Variants in CELF2 observed in about 807,000 individuals in gnomAD.
CELF2 encodes CUG triplet repeat RNA-binding protein 2.
A neutral mutation model predicts 62.6 loss-of-function variants in CELF2; 8 were observed. The ratio of observed to expected loss-of-function variants is 0.13; its 90% CI spans 0.07 to 0.23. The LOEUF (loss-of-function observed/expected upper bound fraction) is 0.23. CELF2 is among the 10% of genes least tolerant of loss of function. The pLI, the probability that CELF2 is intolerant of heterozygous loss-of-function variation, is 1.00. For synonymous variants in CELF2, 258 were observed against 250.0 expected, an observed-to-expected ratio of 1.03 and a Z score of -0.30; for missense variants, 333 against 671.0, an observed-to-expected ratio of 0.50 and a Z score of 5.56.
In CELF2 at chr10:11,297,377, A is replaced by T. The variant is rs2093305375; in HGVS notation, c.976+8825A>T. ...CCTAAGCCCGGGGAGGGGTGAGGTC[A>T]TCAGGCCAAAATCACCAGCAAGGCA... On this transcript the variant is annotated intron_variant, in intron 9 of 12. Transcript: ENST00000633077. The surrounding 1 kb of genome is among the most constrained non-coding windows in gnomAD (Gnocchi z 4.4). Among the ~76,000 whole-genome samples the T allele has an allele frequency of 6.6e-6, 1 of 152,150 alleles. No homozygotes were observed. Among genetic ancestry groups the T allele is most frequent in the South Asian group, 2.1e-4 (1 of 4,834 alleles).
the CELF2 span, among the ~76,000 whole-genome samples, chr10:10,673,520 A>G: frequency 6.6e-6 from 1 of 151,924 alleles, no homozygotes; most frequent in Non-Finnish European, 1.5e-5. Context: ...TAGAGTTTCT[A>G]TTTTCAATTT....
At chr10:10,836,446 A>G (rs564690491) in intron 1 of CELF2, among the ~76,000 whole-genome samples, 1 of 152,364 alleles carries the variant, frequency 6.6e-6, no homozygotes, top group Admixed American at 6.5e-5. Flanking sequence ...CGATATGACA[A>G]CACTGAAGTA....
At position 10,897,166 on chromosome 10, in the gene CELF2, G is replaced by A. The variant is rs540411955; in HGVS notation, c.54-22798G>A. 2.6e-5 allele frequency among the ~76,000 whole-genome samples: 4 copies of A among 152,248 alleles called. No homozygotes were observed. The South Asian group carries it at 6.2e-4, about 24-fold the overall frequency. On this transcript the variant is annotated intron_variant, in intron 1 of 13. Transcript: ENST00000636488. The stretch of plus-strand genomic sequence containing the variant: ...AGAAGTGAAGACCATGGCAGAGAAA[G>A]CATCTATCATTTTAGAGAATACCTA...
At chr10:10,676,818 T>C in the CELF2 span, among the ~76,000 whole-genome samples, 1 of 152,162 alleles carries the variant, frequency 6.6e-6, no homozygotes, top group African/African-American at 2.4e-5. Flanking sequence ...TTACTTGTTA[T>C]TAGGGGGGAG....
intron 1 of CELF2, among the ~76,000 whole-genome samples, chr10:10,892,833 A>G (rs2062247477): frequency 6.6e-6 from 1 of 152,212 alleles, no homozygotes; most frequent in Non-Finnish European, 1.5e-5. Flanking sequence ...AAGCACACAG[A>G]GATGATTTTT....
the CELF2 span, among the ~76,000 whole-genome samples, chr10:10,720,147 T>A: frequency 6.6e-6 from 1 of 152,204 alleles, no homozygotes. Flanking sequence ...GCTCTGCCCT[T>A]GACTACCACT....
At chr10:10,711,170 C>A in the CELF2 span, among the ~76,000 whole-genome samples, 55 of 152,192 alleles carry the variant, frequency 3.6e-4, no homozygotes, top group African/African-American at 1.3e-3. Flanking sequence ...GCCAAATCAC[C>A]CCCTCCCTAT....
rs369100120 is a variant in CELF2 at position 11,308,214 on chromosome 10, T to C, written c.977-5925T>C. On this transcript the variant is annotated intron_variant, in intron 9 of 12. Coordinates refer to ENST00000633077, the MANE Select transcript of CELF2 (RefSeq NM_001326342.2). Reference sequence around the variant, plus strand: ...GATTTTCTCTTAAACTTTCAACATATTTCTGTCATGTGCCAGGGTATAGAT... The same window carrying C: ...GATTTTCTCTTAAACTTTCAACATACTTCTGTCATGTGCCAGGGTATAGAT... Among the ~76,000 whole-genome samples, 5 of 152,246 alleles carry C rather than the reference T, an allele frequency of 3.3e-5. No homozygotes were observed. The East Asian group carries it at 9.6e-4, about 29-fold the overall frequency.
At chr10:11,239,945 C>T (rs1003814314) in intron 3 of CELF2, among the ~76,000 whole-genome samples, 4 of 152,000 alleles carry the variant, frequency 2.6e-5, no homozygotes, top group Admixed American at 6.6e-5. Context: ...CCCAGCTATT[C>T]GGGAGGCTAA....
At chr10:11,106,888 T>G (rs2053637475) in intron 1 of CELF2, among the ~76,000 whole-genome samples, 1 of 152,180 alleles carries the variant, frequency 6.6e-6, no homozygotes, top group South Asian at 2.1e-4. Context: ...TCAGACTTAC[T>G]ATCTAAACCT....
the CELF2 span, among the ~76,000 whole-genome samples, chr10:10,695,078 G>A: frequency 4.0e-5 from 6 of 149,374 alleles, 2 homozygotes; most frequent in African/African-American, 1.5e-4. Context: ...TTGCTCTTTA[G>A]TTGATGCAGT....
At chr10:10,914,774 C>A (rs1328405374) in intron 1 of CELF2, among the ~76,000 whole-genome samples, 1 of 152,144 alleles carries the variant, frequency 6.6e-6, no homozygotes, top group Non-Finnish European at 1.5e-5. Flanking sequence ...TGGGACAGTT[C>A]TTTTTCTCTG....
the CELF2 span, among the ~76,000 whole-genome samples, chr10:10,537,443 C>T: frequency 0.011 from 1,636 of 152,236 alleles, 24 homozygotes; most frequent in African/African-American, 0.037. Context: ...TTTGTTGGGC[C>T]CCAGGGCAGG....
the CELF2 span, among the ~76,000 whole-genome samples, chr10:10,711,095 C>T: frequency 1.3e-5 from 2 of 152,104 alleles, no homozygotes; most frequent in Non-Finnish European, 2.9e-5. Flanking sequence ...TGGCCTCTAC[C>T]TTCTGGATGC....
intron 2 of CELF2, among the ~76,000 whole-genome samples, chr10:10,985,608 G>C (rs1014900293): frequency 3.3e-5 from 5 of 152,180 alleles, no homozygotes; most frequent in Non-Finnish European, 7.3e-5. Context: ...CCTGTGGAAG[G>C]CTGGTTCATG....
intron 1 of CELF2, among the ~76,000 whole-genome samples, chr10:11,081,623 G>A (rs191766013): frequency 2.0e-5 from 3 of 152,310 alleles, no homozygotes; most frequent in Admixed American, 6.5e-5. Flanking sequence ...TTAAATTCAC[G>A]TGTTAGAACC....
At chr10:11,128,034 A>T (rs1019979807) in intron 1 of CELF2, among the ~76,000 whole-genome samples, 9 of 152,174 alleles carry the variant, frequency 5.9e-5, no homozygotes, top group African/African-American at 2.2e-4. Context: ...TAAGTCTTTA[A>T]TCCATCTTGA....
intron 1 of CELF2, among the ~76,000 whole-genome samples, chr10:10,830,556 C>T (rs2057766237): frequency 6.6e-6 from 1 of 152,052 alleles, no homozygotes; most frequent in South Asian, 2.1e-4. Context: ...TAATAACTTA[C>T]AATTCACTCC....
intron 1 of CELF2, among the ~76,000 whole-genome samples, chr10:10,859,257 A>G (rs2059923220): frequency 6.6e-6 from 1 of 152,152 alleles, no homozygotes; most frequent in South Asian, 2.1e-4. Context: ...GGCTTGGTTG[A>G]GGGCTCAGGT....
Sources: gnomAD v4.1 joint callset for allele counts (sites outside exome capture counted in the v4.1 genomes callset) on GRCh38, gnomAD v4.1.1 for gene constraint, Gnocchi (gnomAD v3.1) non-coding constraint, MANE v1.5 for transcripts, NCBI Gene and HGNC (gene_info 2026-07-23, HGNC 2026-07-21) for gene names.